ASIC2: variants seen among roughly 807,000 people sequenced by gnomAD.
ASIC2 encodes acid sensing ion channel subunit 2, also known as acid-sensing ion channel 2.
In ASIC2, 25 loss-of-function variants were observed where a neutral mutation model predicts 57.3. The ratio of observed to expected loss-of-function variants is 0.44; its 90% confidence interval spans 0.32 to 0.61. The LOEUF (loss-of-function observed/expected upper bound fraction) is 0.61. Among genes scored for constraint, ASIC2 ranks in the 20% least tolerant of loss-of-function variants. The pLI is 0.06. For missense variants in ASIC2, 641 were observed against 738.1 expected (o/e 0.87, Z 1.52); for synonymous variants, 319 against 307.5 (o/e 1.04, Z -0.39).
At chr17:34,155,015 AGTAAGCCCCATCCTGAAC>A (rs1904661898) in intron 1 of ASIC2, among the ~76,000 whole-genome samples, 1 of 152,006 alleles carries the variant, frequency 6.6e-6, no homozygotes, top group African/African-American at 2.4e-5. Flanking sequence ...CTGCCCCTCC[AGTAAGCCCCATCCTGAAC>A]GTAAGCCACA....
intron 1 of ASIC2, among the ~76,000 whole-genome samples, chr17:33,755,780 G>T (rs1394704503): frequency 6.6e-6 from 1 of 152,130 alleles, no homozygotes; most frequent in South Asian, 2.1e-4. Context: ...GATACAGAGG[G>T]GACCAAAGGA....
At chr17:33,021,156 G>C (rs954387968) in intron 7 of ASIC2, 63 bp downstream of exon 7, 20 of 1,082,540 alleles carry the variant, frequency 1.8e-5, no homozygotes, top group Non-Finnish European at 2.6e-5. Flanking sequence ...ATCCACCTGT[G>C]CATCCTCCCT....
At chr17:33,893,027 A>G (rs1430681239) in intron 1 of ASIC2, among the ~76,000 whole-genome samples, 1 of 152,196 alleles carries the variant, frequency 6.6e-6, no homozygotes, top group Non-Finnish European at 1.5e-5. Flanking sequence ...GCTTTTATTA[A>G]TTATAATAAA....
chr17:33,875,227 A>G (rs1349518466), intron 1 of ASIC2, among the ~76,000 whole-genome samples: 2 of 152,344 alleles, frequency 1.3e-5, no homozygotes, highest in East Asian at 3.9e-4. Flanking sequence ...TGCTGAATAA[A>G]TGGAAATAGA....
intron 1 of ASIC2, among the ~76,000 whole-genome samples, chr17:33,118,168 G>A (rs2092288125): frequency 6.6e-6 from 1 of 152,172 alleles, no homozygotes; most frequent in Admixed American, 6.5e-5. Flanking sequence ...ATCTGAAGTT[G>A]ACACATTCTA....
chr17:33,073,083 G>A (rs1380641853), intron 3 of ASIC2, among the ~76,000 whole-genome samples: 1 of 152,236 alleles, frequency 6.6e-6, no homozygotes, highest in Non-Finnish European at 1.5e-5. Context: ...ACCGGGATCA[G>A]TTGAAGAATG....
At chr17:33,523,697 T>G (rs1914807743) in intron 1 of ASIC2, among the ~76,000 whole-genome samples, 1 of 152,218 alleles carries the variant, frequency 6.6e-6, no homozygotes, top group South Asian at 2.1e-4. Flanking sequence ...ACTTTCCCGT[T>G]GTTATAAATA....
intron 1 of ASIC2, among the ~76,000 whole-genome samples, chr17:33,709,468 T>C (rs1316079517): frequency 2.6e-5 from 4 of 152,218 alleles, no homozygotes; most frequent in Non-Finnish European, 5.9e-5. Flanking sequence ...TGGCTCATGC[T>C]CTTTCTGCCA....
At chr17:33,162,972 C>T (rs1385609613) in intron 1 of ASIC2, among the ~76,000 whole-genome samples, 3 of 152,212 alleles carry the variant, frequency 2.0e-5, no homozygotes, top group South Asian at 2.1e-4. Flanking sequence ...GGCTGTTTCT[C>T]TTTCCTGCAC....
At chr17:33,103,534 G>A (rs1355302563) in intron 2 of ASIC2, among the ~76,000 whole-genome samples, 1 of 152,112 alleles carries the variant, frequency 6.6e-6, no homozygotes, top group Non-Finnish European at 1.5e-5. Flanking sequence ...GCTCTTTGGT[G>A]GCTCATTCAG....
At chr17:33,368,539 TG>T (rs1272699187) in intron 1 of ASIC2, among the ~76,000 whole-genome samples, 1 of 152,196 alleles carries the variant, frequency 6.6e-6, no homozygotes, top group Non-Finnish European at 1.5e-5. Context: ...CACTGGATTT[TG>T]GGGAAATTTC....
chr17:33,347,417 T>G (rs1193377081), intron 1 of ASIC2, among the ~76,000 whole-genome samples: 1 of 150,912 alleles, frequency 6.6e-6, no homozygotes, highest in East Asian at 1.9e-4. Context: ...AATAGGCAAG[T>G]GAACCTACTA....
At chr17:33,860,081 C>G (rs1167598556) in intron 1 of ASIC2, among the ~76,000 whole-genome samples, 2 of 152,104 alleles carry the variant, frequency 1.3e-5, no homozygotes, top group African/African-American at 2.4e-5. Flanking sequence ...CTGTCACCCA[C>G]CAGATGGGTG....
intron 1 of ASIC2, chr17:34,155,902 C>T: frequency 6.6e-7 from 1 of 1,506,622 alleles, no homozygotes; most frequent in Non-Finnish European, 8.9e-7. Flanking sequence ...AAGGAAACCC[C>T]AAACCAAGCA....
chr17:33,050,795 A>G (rs2091972070), intron 3 of ASIC2, among the ~76,000 whole-genome samples: 1 of 152,004 alleles, frequency 6.6e-6, no homozygotes, highest in African/African-American at 2.4e-5. Context: ...TGGTGGGGAG[A>G]CTGGCATGTG....
intron 1 of ASIC2, among the ~76,000 whole-genome samples, chr17:33,638,827 C>T (rs1188515779): frequency 6.6e-6 from 1 of 151,946 alleles, no homozygotes; most frequent in Non-Finnish European, 1.5e-5. Context: ...GATTAGTATC[C>T]CTGGGCTGCC....
intron 1 of ASIC2, chr17:34,038,566 T>C (rs561291936): frequency 5.0e-6 from 8 of 1,609,294 alleles, no homozygotes; most frequent in Non-Finnish European, 8.5e-7. Context: ...ATCTGTCATT[T>C]AGCGTTGGAT....
intron 1 of ASIC2, among the ~76,000 whole-genome samples, chr17:33,128,496 G>T (rs1396064642): frequency 6.6e-6 from 1 of 152,112 alleles, no homozygotes; most frequent in African/African-American, 2.4e-5. Context: ...AGTGTCCTTG[G>T]GCTCCACACC....
intron 1 of ASIC2, among the ~76,000 whole-genome samples, chr17:33,766,140 G>A (rs1158549948): frequency 6.6e-6 from 1 of 152,186 alleles, no homozygotes; most frequent in Non-Finnish European, 1.5e-5. Context: ...GGTACAATGA[G>A]ATATTTTGAG....
Sources: gnomAD v4.1 joint callset for allele counts (sites outside exome capture counted in the v4.1 genomes callset) on GRCh38, gnomAD v4.1.1 for gene constraint, MANE v1.5 for transcripts, NCBI Gene and HGNC (gene_info 2026-07-23, HGNC 2026-07-21) for gene names.